POLK: variants seen among roughly 807,000 people sequenced by gnomAD.
POLK encodes the protein polymerase (DNA directed) kappa.
POLK carries 76 observed loss-of-function variants against 94.0 expected under a neutral mutation model. The observed-to-expected ratio is 0.81, with a 90% CI of 0.67 to 0.98. The LOEUF (loss-of-function observed/expected upper bound fraction) is 0.98. Among genes scored for constraint, POLK ranks in the 50% least tolerant of loss-of-function variants. POLK has a pLI of 0.00. For missense variants in POLK, 954 were observed against 1,010.1 expected (o/e 0.94, Z 0.75); for synonymous variants, 349 against 325.4 (o/e 1.07, Z -0.78).
chr5:75,545,864 A>G (rs1769992689), intron 1 of POLK, among the ~76,000 whole-genome samples: 1 of 152,210 alleles, frequency 6.6e-6, no homozygotes, highest in Admixed American at 6.5e-5. Context: ...AATTTGTGTC[A>G]GTAGACATGT....
chr5:75,569,100 A>G (rs1771442667), intron 3 of POLK, among the ~76,000 whole-genome samples: 1 of 152,168 alleles, frequency 6.6e-6, no homozygotes, highest in Non-Finnish European at 1.5e-5. Context: ...AAACAATACA[A>G]TATACATAGA....
At chr5:75,515,175 C>T (rs981777461) in intron 1 of POLK, among the ~76,000 whole-genome samples, 2 of 152,042 alleles carry the variant, frequency 1.3e-5, no homozygotes, top group Non-Finnish European at 2.9e-5. Context: ...AAAGGAAAAA[C>T]GTATTGATTT....
chr5:75,517,754 G>A (rs1174709455), intron 1 of POLK, among the ~76,000 whole-genome samples: 2 of 152,188 alleles, frequency 1.3e-5, no homozygotes, highest in Non-Finnish European at 2.9e-5. Context: ...TCACCATTCA[G>A]TGTGATGTTA....
intron 10 of POLK, 25 bp downstream of exon 10, chr5:75,587,083 A>G (rs768389658): frequency 8.1e-7 from 1 of 1,232,432 alleles, no homozygotes; most frequent in Non-Finnish European, 1.2e-6. Context: ...TTTATTGTTA[A>G]TTGTGCATAA....
intron 1 of POLK, among the ~76,000 whole-genome samples, chr5:75,536,911 C>T (rs1580956092): frequency 6.6e-6 from 1 of 152,160 alleles, no homozygotes; most frequent in African/African-American, 2.4e-5. Flanking sequence ...AGTTTGCTGT[C>T]CCAGCATTTC....
intron 6 of POLK, among the ~76,000 whole-genome samples, chr5:75,579,643 C>T (rs1772097618): frequency 6.6e-6 from 1 of 151,940 alleles, no homozygotes; most frequent in Non-Finnish European, 1.5e-5. Context: ...CAGACGTGAG[C>T]CACCTTGCCT....
intron 1 of POLK, among the ~76,000 whole-genome samples, chr5:75,522,664 A>G (rs1233697056): frequency 6.6e-6 from 1 of 152,176 alleles, no homozygotes; most frequent in Non-Finnish European, 1.5e-5. Flanking sequence ...TTTTATTTTT[A>G]AATTATTTTA....
rs140549548 is a variant in POLK at position 75,578,371 on chromosome 5, G to A, written c.694+1438G>A. On this transcript the variant is annotated intron_variant, in intron 6 of 14. Transcript: ENST00000241436. ...GGGGTTTCACCATGTTGGCCAGGCTGGTCTCAAACTCCTGACCTCAGGTGA... is the reference window on the plus strand; with the variant it reads ...GGGGTTTCACCATGTTGGCCAGGCTAGTCTCAAACTCCTGACCTCAGGTGA... 2.1e-3 allele frequency among the ~76,000 whole-genome samples: 317 copies of A among 152,190 alleles called. 1 individual carries two copies. The East Asian group carries it at 0.027, about 13-fold the overall frequency.
intron 1 of POLK, among the ~76,000 whole-genome samples, chr5:75,514,854 G>T (rs1768247344): frequency 6.6e-6 from 1 of 150,794 alleles, no homozygotes; most frequent in Admixed American, 6.6e-5. Context: ...GACAAAGTGA[G>T]ACCCTGTCTC....
At chr5:75,525,479 G>C (rs1341944472) in intron 1 of POLK, among the ~76,000 whole-genome samples, 1 of 151,976 alleles carries the variant, frequency 6.6e-6, no homozygotes, top group East Asian at 1.9e-4. Flanking sequence ...ATGAAGAAGA[G>C]TAAGGGAAAA....
rs1431723551 is a variant in POLK at position 75,558,260 on chromosome 5, G to A, written c.255+5669G>A. On this transcript the variant is annotated intron_variant, in intron 3 of 14. Coordinates refer to ENST00000241436, the Ensembl canonical transcript of POLK. ...GTTTTTTTTTTTTGGTCTGGGTATTGTACTTGGAAAATTATTCCTCATAAC... is the reference window on the plus strand; with the variant it reads ...GTTTTTTTTTTTTGGTCTGGGTATTATACTTGGAAAATTATTCCTCATAAC... Among the ~76,000 whole-genome samples the A allele has an allele frequency of 4.8e-5, 7 of 146,584 alleles. No individual in the cohort carries two copies. In the East Asian group the frequency reaches 1.4e-3, roughly 29 times the overall value.
chr5:75,515,893 G>C (rs1768298371), intron 1 of POLK, among the ~76,000 whole-genome samples: 1 of 152,142 alleles, frequency 6.6e-6, no homozygotes. Context: ...CTCGTCTCTA[G>C]TATAATAAAA....
intron 3 of POLK, among the ~76,000 whole-genome samples, chr5:75,564,137 A>G (rs1771138002): frequency 6.6e-6 from 1 of 152,070 alleles, no homozygotes; most frequent in Non-Finnish European, 1.5e-5. Flanking sequence ...TGATCCCTTT[A>G]CCATTATGTA....
At chr5:75,544,357 A>G (rs2112623518) in intron 1 of POLK, among the ~76,000 whole-genome samples, 1 of 152,216 alleles carries the variant, frequency 6.6e-6, no homozygotes, top group Middle Eastern at 3.4e-3. Context: ...TCTCTAAAAA[A>G]CAACAAGAGC....
intron 1 of POLK, among the ~76,000 whole-genome samples, chr5:75,544,994 G>T (rs1769937219): frequency 6.6e-6 from 1 of 152,062 alleles, no homozygotes; most frequent in Non-Finnish European, 1.5e-5. Context: ...GAATTACCTG[G>T]GCATCTCTTT....
chr5:75,552,022 G>A (rs1770361155), intron 2 of POLK, among the ~76,000 whole-genome samples: 1 of 152,128 alleles, frequency 6.6e-6, no homozygotes, highest in African/African-American at 2.4e-5. Flanking sequence ...GAAATGATGG[G>A]CAGTTTTTTG....
At chr5:75,541,675 T>C (rs1019603536) in intron 1 of POLK, among the ~76,000 whole-genome samples, 12 of 152,214 alleles carry the variant, frequency 7.9e-5, no homozygotes, top group Non-Finnish European at 4.4e-5. Flanking sequence ...TTTCTCTCAG[T>C]GACACATGTA....
At chr5:75,567,058 A>G (rs1771314344) in intron 3 of POLK, among the ~76,000 whole-genome samples, 1 of 152,232 alleles carries the variant, frequency 6.6e-6, no homozygotes, top group South Asian at 2.1e-4. Context: ...GGAAAGTGGA[A>G]TGTATGAGTC....
chr5:75,579,606 C>T (rs1190208519), intron 6 of POLK, among the ~76,000 whole-genome samples: 1 of 151,866 alleles, frequency 6.6e-6, no homozygotes, highest in Non-Finnish European at 1.5e-5. Context: ...GATCCTCCCA[C>T]CTCAGCTTCC....
Sources: allele counts gnomAD v4.1 joint callset (sites outside exome capture counted in the v4.1 genomes callset), GRCh38; gene constraint gnomAD v4.1.1; transcripts MANE v1.5; gene names NCBI Gene and HGNC (gene_info 2026-07-23, HGNC 2026-07-21).